SH2D4A: variants seen among roughly 807,000 people sequenced by gnomAD.
SH2D4A encodes the protein SH2 domain containing 4A, also known as SH2 domain-containing protein 4A.
A neutral mutation model predicts 64.7 loss-of-function variants in SH2D4A; 70 were observed. That is an observed-to-expected ratio of 1.08 (90% CI 0.89 to 1.32). The LOEUF (loss-of-function observed/expected upper bound fraction) is 1.32. Among genes scored for constraint, SH2D4A ranks in the 40% most tolerant of loss-of-function variants. The pLI is 0.00. For synonymous variants in SH2D4A, 268 were observed against 200.7 expected (o/e 1.34, Z -2.83); for missense variants, 706 against 540.1 (o/e 1.31, Z -3.04).
rs1326527561 is a variant in SH2D4A at position 19,332,910 on chromosome 8, G to A, written c.182-45G>A. 2.5e-6 allele frequency: 4 copies of A among 1,587,614 alleles called. No homozygotes were observed. The African/African-American group carries it at 4.1e-5, about 16-fold the overall frequency. ...ATGGAAACAGTAATCTGTGACTAAA[G>A]ATATTTGTTCAATCTGAATTTTTTG... On this transcript the variant is annotated intron_variant, in intron 2 of 9. Coordinates refer to ENST00000265807, the MANE Select transcript of SH2D4A (RefSeq NM_022071.4).
chr8:19,330,902 C>T (rs953636053), intron 2 of SH2D4A, among the ~76,000 whole-genome samples: 17 of 152,178 alleles, frequency 1.1e-4, no homozygotes, highest in African/African-American at 4.1e-4. Context: ...AGTTAACAAA[C>T]CATCTGGCAT....
chr8:19,352,814 C>T (rs950741849), intron 4 of SH2D4A, among the ~76,000 whole-genome samples: 1 of 151,972 alleles, frequency 6.6e-6, no homozygotes, highest in African/African-American at 2.4e-5. Context: ...TGAAACCAGC[C>T]TGGGCAATAT....
At chr8:19,365,261 T>C (rs1430892137) in intron 7 of SH2D4A, among the ~76,000 whole-genome samples, 1 of 152,142 alleles carries the variant, frequency 6.6e-6, no homozygotes, top group African/African-American at 2.4e-5. Flanking sequence ...TTCTACTTAC[T>C]CTACTGGAAA....
chr8:19,372,908 G>A (rs2053128031), intron 7 of SH2D4A, among the ~76,000 whole-genome samples: 1 of 151,892 alleles, frequency 6.6e-6, no homozygotes, highest in Non-Finnish European at 1.5e-5. Flanking sequence ...GCAAGTCAGG[G>A]AGGTTAGTGG....
At chr8:19,356,069 C>T (rs577961794) in intron 4 of SH2D4A, among the ~76,000 whole-genome samples, 2 of 152,312 alleles carry the variant, frequency 1.3e-5, no homozygotes, top group South Asian at 4.1e-4. Flanking sequence ...TTGGTAGTAG[C>T]ACTGCTGCTG....
In SH2D4A at chr8:19,323,530, G is replaced by A. The variant is rs370146445; in HGVS notation, c.181+3802G>A. ...CAAGTAGTTGGAGTTACAGGTGTGC[G>A]CCAGCACACCCAGCTAATTTTTGTA... On this transcript the variant is annotated intron_variant, in intron 2 of 9. Coordinates refer to ENST00000265807, the MANE Select transcript of SH2D4A (RefSeq NM_022071.4). Among the ~76,000 whole-genome samples the A allele has an allele frequency of 9.2e-5, 14 of 152,038 alleles. No individual in the cohort carries two copies. In the East Asian group the frequency reaches 1.4e-3, roughly 15 times the overall value.
At chr8:19,345,355 C>G (rs928698143) in intron 4 of SH2D4A, among the ~76,000 whole-genome samples, 10 of 152,214 alleles carry the variant, frequency 6.6e-5, no homozygotes, top group African/African-American at 2.4e-4. Flanking sequence ...AAGCAACACT[C>G]GATGCCTGTA....
At chr8:19,338,282 G>A (rs1056022316) in intron 4 of SH2D4A, among the ~76,000 whole-genome samples, 2 of 152,160 alleles carry the variant, frequency 1.3e-5, no homozygotes, top group Admixed American at 6.5e-5. Context: ...TCCTCGTGCT[G>A]TAGATTTTAG....
intron 1 of SH2D4A, among the ~76,000 whole-genome samples, chr8:19,316,485 G>C (rs556582954): frequency 1.3e-5 from 2 of 152,154 alleles, no homozygotes; most frequent in African/African-American, 4.8e-5. Context: ...TAAGTGTCTG[G>C]TGAATACGTG....
intron 7 of SH2D4A, among the ~76,000 whole-genome samples, chr8:19,367,855 T>A (rs1371507882): frequency 1.3e-5 from 2 of 152,028 alleles, no homozygotes; most frequent in African/African-American, 4.8e-5. Context: ...GTGGGAGGAT[T>A]GCTTGAGGCC....
chr8:19,315,234 C>G lies in SH2D4A; in HGVS notation c.-205+1411C>G, dbSNP rs1407368966. Among the ~76,000 whole-genome samples the G allele has an allele frequency of 4.6e-5, 7 of 152,140 alleles. No individual in the cohort carries two copies. In the East Asian group the frequency reaches 1.4e-3, roughly 29 times the overall value. On this transcript the variant is annotated intron_variant, in intron 1 of 9. Coordinates refer to ENST00000265807, the MANE Select transcript of SH2D4A (RefSeq NM_022071.4). ...CACTGTAGCCTCAAACTCTCCAACTCAAGAGATCCCCCCACCTCAACCTCC... is the reference window on the plus strand; with the variant it reads ...CACTGTAGCCTCAAACTCTCCAACTGAAGAGATCCCCCCACCTCAACCTCC...
intron 2 of SH2D4A, among the ~76,000 whole-genome samples, chr8:19,332,092 C>A (rs1489612772): frequency 6.6e-6 from 1 of 151,818 alleles, no homozygotes. Context: ...AGCAAGACAC[C>A]ATTTCTAAAA....
At chr8:19,375,302 A>G (rs1011625912) in intron 8 of SH2D4A, 11 of 152,230 alleles carry the variant, frequency 7.2e-5, no homozygotes, top group African/African-American at 2.2e-4. Flanking sequence ...CATGATAAAG[A>G]GAATATGCAT....
intron 1 of SH2D4A, among the ~76,000 whole-genome samples, chr8:19,315,334 C>T (rs1364900915): frequency 6.6e-6 from 1 of 152,138 alleles, no homozygotes; most frequent in Non-Finnish European, 1.5e-5. Flanking sequence ...CGGAGTTTTG[C>T]CATGTTGCCC....
intron 4 of SH2D4A, among the ~76,000 whole-genome samples, chr8:19,344,480 C>A (rs995467032): frequency 1.3e-5 from 2 of 152,196 alleles, no homozygotes; most frequent in African/African-American, 4.8e-5. Context: ...TCTTCTTCTG[C>A]TGTCTCTCTT....
intron 4 of SH2D4A, among the ~76,000 whole-genome samples, chr8:19,337,526 G>C (rs1169424983): frequency 6.6e-6 from 1 of 152,184 alleles, no homozygotes; most frequent in Admixed American, 6.5e-5. Flanking sequence ...CCTTATAAGA[G>C]GAGAGCCAAG....
chr8:19,317,427 C>T (rs1311385848), intron 1 of SH2D4A, among the ~76,000 whole-genome samples: 1 of 145,870 alleles, frequency 6.9e-6, no homozygotes, highest in African/African-American at 2.6e-5. Context: ...AAATTTTTCT[C>T]TTAATGTTTG....
intron 2 of SH2D4A, 114 bp from the exon 3 acceptor site, chr8:19,332,841 T>A (rs1389207464): frequency 3.7e-6 from 3 of 815,648 alleles, no homozygotes; most frequent in Non-Finnish European, 5.2e-6. Flanking sequence ...TTGTCTCATC[T>A]GATATATATA....
chr8:19,370,991 A>G (rs948087063), intron 7 of SH2D4A, among the ~76,000 whole-genome samples: 1 of 152,194 alleles, frequency 6.6e-6, no homozygotes, highest in Admixed American at 6.6e-5. Context: ...GAAACAAAAA[A>G]ACTGTACACT....
Sources: gnomAD v4.1 joint callset for allele counts (sites outside exome capture counted in the v4.1 genomes callset) on GRCh38, gnomAD v4.1.1 for gene constraint, MANE v1.5 for transcripts, NCBI Gene and HGNC (gene_info 2026-07-23, HGNC 2026-07-21) for gene names.